The following CTBP2 variants were observed in gnomAD, a reference collection of about 807,000 sequenced individuals.
The protein encoded by CTBP2 is C-terminal binding protein 2.
A neutral mutation model predicts 80.3 loss-of-function variants in CTBP2; 30 were observed. That is an observed-to-expected ratio of 0.37 (90% confidence interval 0.28 to 0.51). CTBP2 has a LOEUF of 0.51. CTBP2 is among the 20% of genes least tolerant of loss of function. CTBP2 has a pLI of 0.93. For missense variants in CTBP2, 1,212 were observed against 1,375.3 expected (o/e 0.88, Z 1.88); for synonymous variants, 594 against 587.4 (o/e 1.01, Z -0.16).
intron 2 of CTBP2, among the ~76,000 whole-genome samples, chr10:125,041,187 T>A (rs1434557002): frequency 4.6e-5 from 7 of 152,150 alleles, no homozygotes; most frequent in Non-Finnish European, 8.8e-5. Context: ...GCTCAAGCAA[T>A]CCTCCCACCT....
intron 1 of CTBP2, among the ~76,000 whole-genome samples, chr10:125,155,043 G>C (rs530464601): frequency 6.6e-6 from 1 of 152,184 alleles, no homozygotes; most frequent in African/African-American, 2.4e-5. Flanking sequence ...ACATTTCGAG[G>C]GGGTAGAAAA....
At chr10:125,040,225 C>T (rs61696873) in intron 2 of CTBP2, among the ~76,000 whole-genome samples, 1 of 152,076 alleles carries the variant, frequency 6.6e-6, no homozygotes, top group East Asian at 1.9e-4. Context: ...GAGGCCGAGG[C>T]GGGCAGATCA....
intron 1 of CTBP2, among the ~76,000 whole-genome samples, chr10:125,010,205 C>T (rs1354595472): frequency 1.6e-5 from 2 of 127,198 alleles, no homozygotes; most frequent in African/African-American, 3.1e-5. Flanking sequence ...CTAAGAGTGG[C>T]ACTATTTTAA....
chr10:125,095,470 A>G (rs1168912562), intron 2 of CTBP2, among the ~76,000 whole-genome samples: 1 of 152,138 alleles, frequency 6.6e-6, no homozygotes, highest in Non-Finnish European at 1.5e-5. Flanking sequence ...TCACCACAGA[A>G]AAAGGGACGA....
chr10:125,002,835 C>G, intron 3 of CTBP2, 125 bp downstream of exon 5: 45 of 1,225,522 alleles, frequency 3.7e-5, no homozygotes, highest in Non-Finnish European at 5.1e-5. Context: ...CTGGAGGCAG[C>G]CACCTTGCTA....
intron 1 of CTBP2, chr10:125,158,543 T>C (rs1370292608): frequency 1.3e-5 from 2 of 152,232 alleles, no homozygotes; most frequent in African/African-American, 2.4e-5. Flanking sequence ...TTGTCTATCC[T>C]TCCAGCCACT....
chr10:125,052,977 C>T (rs1054094717), intron 2 of CTBP2, among the ~76,000 whole-genome samples: 19 of 152,170 alleles, frequency 1.2e-4, no homozygotes, highest in African/African-American at 4.6e-4. Context: ...AATTCTTCCC[C>T]CAGAATGAAG....
chr10:125,033,683 G>A (rs1037994423), intron 3 of CTBP2, among the ~76,000 whole-genome samples: 3 of 151,892 alleles, frequency 2.0e-5, no homozygotes, highest in Non-Finnish European at 2.9e-5. Context: ...TTCCCCCCGC[G>A]GCACTCCTTC....
chr10:125,004,550 G>A lies in CTBP2; in HGVS notation c.1679-1058C>T, dbSNP rs3781439. 9.2e-5 allele frequency among the ~76,000 whole-genome samples: 14 copies of A among 152,290 alleles called. No individual in the cohort carries two copies. The East Asian group carries it at 2.7e-3, about 29-fold the overall frequency. On this transcript the variant is annotated intron_variant, in intron 1 of 8. Transcript: ENST00000309035. ...TTCAAGACCCACACCCTGGACACAA[G>A]AGAACAACTACCTGAGTTCCAGAGG...
At chr10:125,057,942 C>T (rs914239048) in intron 2 of CTBP2, among the ~76,000 whole-genome samples, 9 of 151,842 alleles carry the variant, frequency 5.9e-5, no homozygotes, top group African/African-American at 1.9e-4. Context: ...GAGGGTCTCA[C>T]GGGAAGCCAG....
At chr10:125,040,200 A>G (rs1156715216) in intron 2 of CTBP2, among the ~76,000 whole-genome samples, 1 of 152,194 alleles carries the variant, frequency 6.6e-6, no homozygotes, top group Non-Finnish European at 1.5e-5. Flanking sequence ...CATGCCTGTA[A>G]GCCCAGAAGT....
intron 1 of CTBP2, among the ~76,000 whole-genome samples, chr10:125,011,731 C>G (rs1023445378): frequency 4.6e-5 from 7 of 152,218 alleles, no homozygotes; most frequent in African/African-American, 1.7e-4. Context: ...CTATGCGGAA[C>G]GGAGGAGCAC....
At chr10:125,084,677 C>T (rs1488867155) in intron 2 of CTBP2, among the ~76,000 whole-genome samples, 2 of 152,178 alleles carry the variant, frequency 1.3e-5, no homozygotes, top group Non-Finnish European at 2.9e-5. Flanking sequence ...TTCTCCTTGC[C>T]CGTTCTGTGT....
At chr10:125,132,898 C>T (rs576530787) in intron 1 of CTBP2, among the ~76,000 whole-genome samples, 2 of 152,320 alleles carry the variant, frequency 1.3e-5, no homozygotes, top group East Asian at 3.9e-4. Flanking sequence ...CAAGCAAACA[C>T]TCAGAAAATT....
intron 8 of CTBP2, among the ~76,000 whole-genome samples, chr10:124,992,115 C>T (rs1406712358): frequency 6.6e-6 from 1 of 151,244 alleles, no homozygotes; most frequent in Non-Finnish European, 1.5e-5. Context: ...AGAATGCCTT[C>T]TGTGGACATA....
At chr10:125,158,150 G>A (rs1406344963) in intron 1 of CTBP2, among the ~76,000 whole-genome samples, 2 of 150,708 alleles carry the variant, frequency 1.3e-5, no homozygotes, top group Admixed American at 6.6e-5. Flanking sequence ...AAATAGAAAA[G>A]ATTTATATTT....
intron 2 of CTBP2, among the ~76,000 whole-genome samples, chr10:125,039,633 G>A (rs1170256398): frequency 1.3e-5 from 2 of 152,188 alleles, no homozygotes; most frequent in Non-Finnish European, 2.9e-5. Flanking sequence ...AAACAGCCGC[G>A]CAGGGGTCAG....
intron 1 of CTBP2, 123 bp downstream of exon 1, chr10:125,160,193 CTCT>C: frequency 6.6e-6 from 1 of 150,844 alleles, no homozygotes; most frequent in Non-Finnish European, 1.5e-5. Context: ...GTCCTTCGCC[CTCT>C]TCCTCCTCCT....
At chr10:125,020,455 C>G (rs550860781) in intron 1 of CTBP2, among the ~76,000 whole-genome samples, 1 of 152,200 alleles carries the variant, frequency 6.6e-6, no homozygotes. Context: ...AGACAGAACG[C>G]CCCTGTAGAC....
Sources: allele counts gnomAD v4.1 joint callset (sites outside exome capture counted in the v4.1 genomes callset), GRCh38; gene constraint gnomAD v4.1.1; transcripts MANE v1.5; gene names NCBI Gene and HGNC (gene_info 2026-07-23, HGNC 2026-07-21).